Variants in GALNTL6 observed in about 807,000 individuals in gnomAD.
GALNTL6 encodes the protein polypeptide N-acetylgalactosaminyltransferase-like 6.
Under a neutral mutation model 73.7 loss-of-function variants are expected in GALNTL6, and 46 were observed. The ratio of observed to expected loss-of-function variants is 0.62; its 90% CI spans 0.49 to 0.80. The LOEUF (loss-of-function observed/expected upper bound fraction) is 0.80. Among genes scored for constraint, GALNTL6 ranks in the 30% least tolerant of loss-of-function variants. The pLI is 0.00. For synonymous variants in GALNTL6, 259 were observed against 263.7 expected (o/e 0.98, Z 0.17); for missense variants, 604 against 755.0 (o/e 0.80, Z 2.34).
rs114870300 is a variant in GALNTL6, at chr4:172,424,355, A to G, written c.553+75666A>G. Among the ~76,000 whole-genome samples the G allele has an allele frequency of 1.5e-3, 222 of 152,226 alleles. 1 individual carries two copies. The highest frequency in any genetic ancestry group is 4.7e-3 in the African/African-American group (195 of 41,550). On this transcript the variant is annotated intron_variant, in intron 5 of 12. Transcript: ENST00000506823. ...CAAATGGATTGATTGATGAAATTGT[A>G]TAATTTAATGGTTCTACACATTCTG...
At chr4:171,940,623 A>T (rs1034767992) in intron 2 of GALNTL6, among the ~76,000 whole-genome samples, 2 of 151,912 alleles carry the variant, frequency 1.3e-5, no homozygotes, top group African/African-American at 2.4e-5. Flanking sequence ...GGAGTTTGAG[A>T]CCAGCCTGAC....
chr4:172,490,396 A>G (rs1733853635), intron 5 of GALNTL6, among the ~76,000 whole-genome samples: 1 of 152,140 alleles, frequency 6.6e-6, no homozygotes, highest in South Asian at 2.1e-4. Flanking sequence ...TTTATAAAAT[A>G]ATTTCTAATA....
chr4:172,455,814 G>A (rs985144310), intron 5 of GALNTL6, among the ~76,000 whole-genome samples: 10 of 152,326 alleles, frequency 6.6e-5, no homozygotes, highest in African/African-American at 2.4e-4. Context: ...TCTGAAGAGA[G>A]GAATAGATCT....
intron 2 of GALNTL6, among the ~76,000 whole-genome samples, chr4:172,096,905 A>G (rs868591848): frequency 6.6e-6 from 1 of 152,100 alleles, no homozygotes; most frequent in African/African-American, 2.4e-5. Context: ...GTAGGCTAGG[A>G]CCTCTCTCAC....
At chr4:172,943,725 A>C (rs1354638833) in intron 9 of GALNTL6, among the ~76,000 whole-genome samples, 1 of 152,202 alleles carries the variant, frequency 6.6e-6, no homozygotes, top group African/African-American at 2.4e-5. Flanking sequence ...ATAAGTGCTT[A>C]ATATCCAGAA....
intron 5 of GALNTL6, among the ~76,000 whole-genome samples, chr4:172,719,058 G>T (rs991640501): frequency 8.5e-5 from 13 of 152,098 alleles, no homozygotes; most frequent in African/African-American, 3.1e-4. Flanking sequence ...TCTTTCGAAA[G>T]ACATCAAAAC....
chr4:171,930,703 G>A (rs1014170649), intron 2 of GALNTL6, among the ~76,000 whole-genome samples: 2 of 152,108 alleles, frequency 1.3e-5, no homozygotes, highest in Non-Finnish European at 2.9e-5. Flanking sequence ...AGGCGTGGTG[G>A]TGGGCTCCTG....
rs561846732 is a variant in GALNTL6, at chr4:171,958,142, A to T, written c.138+143424A>T. On this transcript the variant is annotated intron_variant, in intron 2 of 12. Transcript: ENST00000506823. ...CTCACTGCTTTACCTCTTCCTAGTG[A>T]TTACTGATATCCTTGAAATTATTGG... Among the ~76,000 whole-genome samples the T allele has an allele frequency of 2.0e-5, 3 of 152,266 alleles. No homozygotes were observed. The South Asian group carries it at 6.2e-4, about 32-fold the overall frequency.
At chr4:172,472,214 A>G (rs1262557088) in intron 5 of GALNTL6, among the ~76,000 whole-genome samples, 6 of 152,160 alleles carry the variant, frequency 3.9e-5, no homozygotes, top group Non-Finnish European at 7.4e-5. Context: ...AATGTTCTGT[A>G]CATATTTTCT....
intron 3 of GALNTL6, among the ~76,000 whole-genome samples, chr4:172,308,578 A>G (rs1359523474): frequency 6.6e-6 from 1 of 152,120 alleles, no homozygotes; most frequent in Non-Finnish European, 1.5e-5. Context: ...TTCTGCATCT[A>G]TTGAGATAAT....
At chr4:172,075,480 G>C (rs536567346) in intron 2 of GALNTL6, among the ~76,000 whole-genome samples, 1 of 151,934 alleles carries the variant, frequency 6.6e-6, no homozygotes, top group African/African-American at 2.4e-5. Flanking sequence ...GACTACAGGC[G>C]CCTGCCACCA....
chr4:172,281,233 A>G (rs1490320450), intron 3 of GALNTL6, among the ~76,000 whole-genome samples: 1 of 152,164 alleles, frequency 6.6e-6, no homozygotes, highest in Non-Finnish European at 1.5e-5. Flanking sequence ...GAAGTCCAAA[A>G]TGGATCAGCA....
In GALNTL6 at chr4:172,148,168, TTTA is replaced by T. The variant is rs1733978281; in HGVS notation, c.139-81480_139-81478del. Among the ~76,000 whole-genome samples, 3 of 152,258 alleles carry T rather than the reference TTTA, an allele frequency of 2.0e-5. No individual in the cohort carries two copies. In the South Asian group the frequency reaches 6.2e-4, roughly 32 times the overall value. ...TTTATATTTTTTGAAAGCCATTAAT[TTTA>T]TTATTATCATGATTAAGTACAATTC... On this transcript the variant is annotated intron_variant, in intron 2 of 12. Coordinates refer to ENST00000506823, the MANE Select transcript of GALNTL6 (RefSeq NM_001034845.3).
At chr4:172,914,413 G>A (rs1186987740) in intron 8 of GALNTL6, among the ~76,000 whole-genome samples, 3 of 152,210 alleles carry the variant, frequency 2.0e-5, no homozygotes, top group Non-Finnish European at 2.9e-5. Context: ...AACCTTAAAT[G>A]TAAATGGGCT....
intron 5 of GALNTL6, among the ~76,000 whole-genome samples, chr4:172,377,239 G>A (rs1743064941): frequency 6.6e-6 from 1 of 152,148 alleles, no homozygotes; most frequent in Admixed American, 6.5e-5. Flanking sequence ...GTGCTGATTG[G>A]TGCGTTTACA....
intron 8 of GALNTL6, among the ~76,000 whole-genome samples, chr4:172,897,826 T>C (rs1746409066): frequency 6.6e-6 from 1 of 152,210 alleles, no homozygotes; most frequent in African/African-American, 2.4e-5. Flanking sequence ...TATTTTGCCA[T>C]TTTGGTGATG....
chr4:172,606,883 A>G (rs917440103), intron 5 of GALNTL6, among the ~76,000 whole-genome samples: 1 of 151,498 alleles, frequency 6.6e-6, no homozygotes, highest in Non-Finnish European at 1.5e-5. Context: ...GGTCAGCAGC[A>G]TGATTACGAT....
At chr4:171,907,681 C>T (rs1236317990) in intron 2 of GALNTL6, among the ~76,000 whole-genome samples, 2 of 151,428 alleles carry the variant, frequency 1.3e-5, no homozygotes, top group South Asian at 2.1e-4. Flanking sequence ...GAGCCCACAT[C>T]GCCAAGTCAA....
intron 2 of GALNTL6, among the ~76,000 whole-genome samples, chr4:172,193,322 G>A (rs1201350190): frequency 6.6e-6 from 1 of 152,192 alleles, no homozygotes; most frequent in African/African-American, 2.4e-5. Flanking sequence ...AGAAGTAGCA[G>A]GCAGCTATCT....
Sources: allele counts gnomAD v4.1 joint callset (sites outside exome capture counted in the v4.1 genomes callset), GRCh38; gene constraint gnomAD v4.1.1; transcripts MANE v1.5; gene names NCBI Gene and HGNC (gene_info 2026-07-23, HGNC 2026-07-21).